LYPLA1: variants seen among roughly 807,000 people sequenced by gnomAD.
The protein encoded by LYPLA1 is lysophospholipase 1.
In LYPLA1, 17 loss-of-function variants were observed where a neutral mutation model predicts 34.0. The ratio of observed to expected loss-of-function variants is 0.50; its 90% confidence interval spans 0.34 to 0.75. The LOEUF (loss-of-function observed/expected upper bound fraction) is 0.75. Ranked by LOEUF, LYPLA1 falls within the 30% of genes least tolerant of loss-of-function variation. The pLI is 0.01. For missense variants in LYPLA1, 203 were observed against 288.8 expected, an observed-to-expected ratio of 0.70 and a Z score of 2.15; for synonymous variants, 98 against 100.8, an observed-to-expected ratio of 0.97 and a Z score of 0.17.
At chr8:54,068,469 C>G (rs1249212476) in intron 2 of LYPLA1, among the ~76,000 whole-genome samples, 1 of 152,150 alleles carries the variant, frequency 6.6e-6, no homozygotes, top group East Asian at 1.9e-4. Context: ...CTCAAAAATT[C>G]CTACCAAGTA....
rs529608746 is a variant in LYPLA1, at chr8:54,100,720, A to G, written c.101+188T>C. 2.5e-5 allele frequency: 15 copies of G among 594,910 alleles called. No homozygotes were observed. In the African/African-American group the frequency reaches 2.9e-4, roughly 11 times the overall value. The allele number at this position is 594,910 out of a possible 1,614,324, so 36.9% of individuals were successfully genotyped here. ...CAGAAACCAGAGTTAAAAAATCAATAAACTCACGATGATAAGGGGAAAATT... is the reference window on the plus strand; with the variant it reads ...CAGAAACCAGAGTTAAAAAATCAATGAACTCACGATGATAAGGGGAAAATT... On this transcript the variant is annotated intron_variant, in intron 2 of 8. Transcript: ENST00000316963.
intron 2 of LYPLA1, among the ~76,000 whole-genome samples, chr8:54,072,473 T>C (rs966789325): frequency 1.3e-5 from 2 of 152,148 alleles, no homozygotes; most frequent in Non-Finnish European, 2.9e-5. Flanking sequence ...AGAAAATATA[T>C]GCAAACTGCG....
At chr8:54,101,628 C>T (rs1346041162) in intron 1 of LYPLA1, 127 bp downstream of exon 1, 17 of 1,149,712 alleles carry the variant, frequency 1.5e-5, no homozygotes, top group Non-Finnish European at 1.8e-5. Flanking sequence ...ATTCGCACCC[C>T]ACCCGGGCCG....
chr8:54,066,941 A>T (rs912068336), intron 2 of LYPLA1, among the ~76,000 whole-genome samples: 1 of 152,164 alleles, frequency 6.6e-6, no homozygotes, highest in Non-Finnish European at 1.5e-5. Flanking sequence ...AGACTGAAGC[A>T]TGCGGATCAC....
At chr8:54,084,645 T>C (rs1350439176) in intron 2 of LYPLA1, among the ~76,000 whole-genome samples, 1 of 152,004 alleles carries the variant, frequency 6.6e-6, no homozygotes, top group Non-Finnish European at 1.5e-5. Flanking sequence ...GGCAAACCTT[T>C]AGCTAGATCA....
At chr8:54,065,503 G>A (rs988651950) in intron 3 of LYPLA1, among the ~76,000 whole-genome samples, 2 of 149,954 alleles carry the variant, frequency 1.3e-5, no homozygotes, top group Non-Finnish European at 3.0e-5. Context: ...AATTTTTCTG[G>A]TCTTAAGTTC....
At chr8:54,073,260 T>C in intron 2 of LYPLA1, 1 of 875,052 alleles carries the variant, frequency 1.1e-6, no homozygotes, top group South Asian at 1.3e-5. Context: ...GCTGTCTGAA[T>C]GGGGGAACCT....
downstream of LYPLA1, among the ~76,000 whole-genome samples, chr8:54,044,555 T>A (rs1805436239): frequency 1.3e-5 from 2 of 152,004 alleles, no homozygotes; most frequent in Admixed American, 1.3e-4. Context: ...AACAGGCAAG[T>A]TTCCCTCCAC....
intron 7 of LYPLA1, among the ~76,000 whole-genome samples, chr8:54,051,585 T>A (rs1425643396): frequency 1.3e-5 from 2 of 151,942 alleles, no homozygotes; most frequent in African/African-American, 4.8e-5. Context: ...GTAGCTGGGA[T>A]TACAGGCACG....
intron 2 of LYPLA1, among the ~76,000 whole-genome samples, chr8:54,087,266 T>C (rs1808868715): frequency 6.6e-6 from 1 of 152,190 alleles, no homozygotes; most frequent in Non-Finnish European, 1.5e-5. Context: ...TGTAATAAAG[T>C]CAACAATTCC....
chr8:54,099,126 T>A (rs573268674), intron 2 of LYPLA1, among the ~76,000 whole-genome samples: 1 of 111,754 alleles, frequency 8.9e-6, no homozygotes. Flanking sequence ...TAGACTGAAG[T>A]TTTTTTTTTT....
At chr8:54,071,474 CAT>C (rs1404052703) in intron 2 of LYPLA1, among the ~76,000 whole-genome samples, 1 of 152,000 alleles carries the variant, frequency 6.6e-6, no homozygotes, top group East Asian at 1.9e-4. Context: ...TATATACGTA[CAT>C]ATATATACAG....
downstream of LYPLA1, among the ~76,000 whole-genome samples, chr8:54,043,437 G>T (rs373098002): frequency 1.3e-5 from 2 of 151,978 alleles, no homozygotes; most frequent in Admixed American, 1.3e-4. Context: ...CACCACACCT[G>T]GCTAATTTTT....
At chr8:54,064,238 A>T (rs1045236151) in intron 3 of LYPLA1, among the ~76,000 whole-genome samples, 1 of 146,634 alleles carries the variant, frequency 6.8e-6, no homozygotes, top group African/African-American at 2.5e-5. Flanking sequence ...AACATGGTGA[A>T]ACCATGTCTC....
At chr8:54,080,212 C>A (rs1808210359) in intron 2 of LYPLA1, among the ~76,000 whole-genome samples, 1 of 151,934 alleles carries the variant, frequency 6.6e-6, no homozygotes, top group African/African-American at 2.4e-5. Flanking sequence ...AATGGCAAAA[C>A]CCTGTCTCTA....
intron 2 of LYPLA1, among the ~76,000 whole-genome samples, chr8:54,096,420 T>C (rs1328830068): frequency 6.6e-6 from 1 of 152,030 alleles, no homozygotes; most frequent in Non-Finnish European, 1.5e-5. Flanking sequence ...TTGGCCAACA[T>C]GGCAAAACCC....
intron 2 of LYPLA1, 38 bp from the exon 3 acceptor site, chr8:54,065,851 G>A: frequency 7.2e-7 from 1 of 1,387,528 alleles, no homozygotes; most frequent in Non-Finnish European, 1.0e-6. Flanking sequence ...ATTAGACACT[G>A]TTTTAAATCC....
intron 2 of LYPLA1, among the ~76,000 whole-genome samples, chr8:54,070,775 A>T (rs1247994089): frequency 6.6e-6 from 1 of 152,236 alleles, no homozygotes; most frequent in Non-Finnish European, 1.5e-5. Context: ...ACGGAGTATG[A>T]TTCAACAATG....
At chr8:54,086,588 G>A (rs997744715) in intron 2 of LYPLA1, among the ~76,000 whole-genome samples, 1 of 146,876 alleles carries the variant, frequency 6.8e-6, no homozygotes, top group Non-Finnish European at 1.5e-5. Context: ...AGACAGCCAG[G>A]TGTGATGGCT....
Sources: allele counts gnomAD v4.1 joint callset (sites outside exome capture counted in the v4.1 genomes callset), GRCh38; gene constraint gnomAD v4.1.1; transcripts MANE v1.5; gene names NCBI Gene and HGNC (gene_info 2026-07-23, HGNC 2026-07-21).